Variants in MLLT10 observed in about 807,000 individuals in gnomAD.
MLLT10 encodes the protein MLLT10 histone lysine methyltransferase DOT1L cofactor, also known as protein AF-10.
MLLT10 carries 30 observed loss-of-function variants against 129.1 expected under a neutral mutation model. The ratio of observed to expected loss-of-function variants is 0.23; its 90% CI spans 0.17 to 0.32. MLLT10 has a LOEUF of 0.32. MLLT10 is among the 10% of genes least tolerant of loss of function. The pLI is 1.00. For missense variants in MLLT10, 1,119 were observed against 1,268.3 expected (o/e 0.88, Z 1.79); for synonymous variants, 490 against 446.4 (o/e 1.10, Z -1.23).
In MLLT10 at chr10:21,671,685, C is replaced by G. The variant is rs565921137; in HGVS notation, c.1051+981C>G. On this transcript the variant is annotated intron_variant, in intron 10 of 22. Coordinates refer to ENST00000307729, the MANE Select transcript of MLLT10 (RefSeq NM_001195626.3). ...CTATAGTCCCAGCTACTTCAGAGGC[C>G]GAGGTGGGAGGATTGCTTGAGCCCA... 2.6e-5 allele frequency among the ~76,000 whole-genome samples: 4 copies of G among 152,042 alleles called. No individual in the cohort carries two copies. The South Asian group carries it at 8.3e-4, about 32-fold the overall frequency.
intron 5 of MLLT10, among the ~76,000 whole-genome samples, chr10:21,597,546 G>T (rs1757978865): frequency 6.6e-6 from 1 of 151,892 alleles, no homozygotes; most frequent in African/African-American, 2.4e-5. Flanking sequence ...ATTTTTTTGT[G>T]CTTTTAGTAA....
chr10:21,683,523 C>T (rs992186019), intron 13 of MLLT10, among the ~76,000 whole-genome samples: 1 of 152,026 alleles, frequency 6.6e-6, no homozygotes, highest in Non-Finnish European at 1.5e-5. Flanking sequence ...AGAAAATAAA[C>T]TTGGGATTAA....
At chr10:21,650,796 C>T (rs948372266) in intron 8 of MLLT10, among the ~76,000 whole-genome samples, 6 of 152,034 alleles carry the variant, frequency 3.9e-5, no homozygotes, top group Admixed American at 6.5e-5. Context: ...ATATTTAGCT[C>T]ATCAGTTTTA....
intron 9 of MLLT10, among the ~76,000 whole-genome samples, chr10:21,662,833 AGATCT>A (rs2050352453): frequency 6.6e-6 from 1 of 152,222 alleles, no homozygotes; most frequent in South Asian, 2.1e-4. Context: ...GGGGAACAGG[AGATCT>A]TATATTTCTA....
intron 14 of MLLT10, 36 bp from the exon 15 acceptor site, chr10:21,726,206 CAT>C (rs754473652): frequency 6.4e-5 from 82 of 1,287,462 alleles, no homozygotes; most frequent in Admixed American, 4.0e-4. Context: ...TATATTTTCA[CAT>C]ATAATTCATT....
chr10:21,560,677 G>C (rs1208932445), intron 3 of MLLT10, among the ~76,000 whole-genome samples: 3 of 152,054 alleles, frequency 2.0e-5, no homozygotes, highest in Non-Finnish European at 4.4e-5. Context: ...TGAACTTCTG[G>C]ACTCAAGCAA....
chr10:21,556,172 C>T (rs1252134269), intron 3 of MLLT10, among the ~76,000 whole-genome samples: 8 of 151,934 alleles, frequency 5.3e-5, no homozygotes, highest in African/African-American at 9.7e-5. Flanking sequence ...GACGGGGTTT[C>T]GCCATGTTGG....
intron 11 of MLLT10, among the ~76,000 whole-genome samples, chr10:21,676,542 G>A (rs2052146741): frequency 6.6e-6 from 1 of 151,604 alleles, no homozygotes; most frequent in Non-Finnish European, 1.5e-5. Context: ...CCAACATGGT[G>A]AAACCCGGTC....
intron 14 of MLLT10, among the ~76,000 whole-genome samples, chr10:21,714,207 CTT>C (rs1442977512): frequency 1.9e-4 from 29 of 152,204 alleles, no homozygotes; most frequent in Admixed American, 3.9e-4. Flanking sequence ...ATAAAATATA[CTT>C]TCAGGGGAGC....
At chr10:21,535,703 G>C (rs1339592452) in intron 2 of MLLT10, among the ~76,000 whole-genome samples, 1 of 152,120 alleles carries the variant, frequency 6.6e-6, no homozygotes, top group Non-Finnish European at 1.5e-5. Context: ...TTCTTTTTTG[G>C]TGGCTCCATG....
At chr10:21,720,911 C>G (rs1012393587) in intron 14 of MLLT10, among the ~76,000 whole-genome samples, 15 of 152,072 alleles carry the variant, frequency 9.9e-5, no homozygotes, top group Non-Finnish European at 2.2e-4. Context: ...GAGGTAGATA[C>G]TGTTGTTATC....
chr10:21,577,457 G>A (rs1214848537), intron 3 of MLLT10, among the ~76,000 whole-genome samples: 2 of 146,188 alleles, frequency 1.4e-5, no homozygotes, highest in Non-Finnish European at 3.0e-5. Flanking sequence ...AACAATAGAT[G>A]AAGGTTTTTT....
At chr10:21,596,246 T>C (rs2131135335) in intron 5 of MLLT10, among the ~76,000 whole-genome samples, 1 of 152,218 alleles carries the variant, frequency 6.6e-6, no homozygotes, top group South Asian at 2.1e-4. Flanking sequence ...TTATAGTATA[T>C]GCTTACAAAA....
At chr10:21,647,892 T>G (rs1013105816) in intron 8 of MLLT10, among the ~76,000 whole-genome samples, 2 of 151,988 alleles carry the variant, frequency 1.3e-5, no homozygotes, top group African/African-American at 2.4e-5. Flanking sequence ...TTTTATTTTT[T>G]GGGGGGGAGG....
chr10:21,727,128 T>G (rs1342561649), intron 15 of MLLT10, among the ~76,000 whole-genome samples: 2 of 152,146 alleles, frequency 1.3e-5, no homozygotes, highest in Non-Finnish European at 2.9e-5. Flanking sequence ...CTTTACCGTT[T>G]AAGGGTCAGA....
chr10:21,595,268 G>A (rs2131131966), intron 4 of MLLT10, 63 bp from the exon 5 acceptor site: 6 of 1,224,540 alleles, frequency 4.9e-6, no homozygotes, highest in South Asian at 3.9e-5. Context: ...TGTTAAGGAA[G>A]TTAACGGTGT....
At chr10:21,700,792 CTGTAG>C (rs2054834309) in intron 13 of MLLT10, among the ~76,000 whole-genome samples, 1 of 152,072 alleles carries the variant, frequency 6.6e-6, no homozygotes, top group Non-Finnish European at 1.5e-5. Context: ...GGATATTGAC[CTGTAG>C]TTTCCTTTTT....
rs1349879824 is a variant in MLLT10 at position 21,619,577 on chromosome 10, A to T, written c.699+2370A>T. Among the ~76,000 whole-genome samples the T allele has an allele frequency of 3.3e-5, 5 of 152,204 alleles. No individual in the cohort carries two copies. The East Asian group carries it at 9.6e-4, about 29-fold the overall frequency. On this transcript the variant is annotated intron_variant, in intron 8 of 22. Transcript: ENST00000307729. ...GGATGCTAGATTAAAAAACACGTTT[A>T]GTCAAACTTGTTTAGCTTTAATATT...
chr10:21,544,922 G>T (rs928024633), intron 3 of MLLT10, among the ~76,000 whole-genome samples: 4 of 152,226 alleles, frequency 2.6e-5, no homozygotes, highest in Non-Finnish European at 4.4e-5. Flanking sequence ...GAGGCGGGCG[G>T]ATCACCTGAG....
Sources: gnomAD v4.1 joint callset for allele counts (sites outside exome capture counted in the v4.1 genomes callset) on GRCh38, gnomAD v4.1.1 for gene constraint, MANE v1.5 for transcripts, NCBI Gene and HGNC (gene_info 2026-07-23, HGNC 2026-07-21) for gene names.